Variants in ESR1 observed in about 807,000 individuals in gnomAD.
ESR1 encodes estrogen receptor 1.
A neutral mutation model predicts 52.7 loss-of-function variants in ESR1; 12 were observed. The ratio of observed to expected loss-of-function variants is 0.23; its 90% CI spans 0.15 to 0.37. The LOEUF is 0.37. Ranked by LOEUF, ESR1 falls within the 10% of genes least tolerant of loss-of-function variation. The pLI is 1.00. For synonymous variants in ESR1, 305 were observed against 316.8 expected (o/e 0.96, Z 0.39); for missense variants, 584 against 779.7 (o/e 0.75, Z 2.99).
intron 5 of ESR1, among the ~76,000 whole-genome samples, chr6:152,048,549 C>T (rs1016002808): frequency 6.6e-6 from 1 of 152,022 alleles, no homozygotes; most frequent in African/African-American, 2.4e-5. Context: ...TGTTTAATGT[C>T]TGCTTCCTGA....
chr6:151,991,600 CA>C (rs1247026274), intron 4 of ESR1, among the ~76,000 whole-genome samples: 1 of 152,076 alleles, frequency 6.6e-6, no homozygotes, highest in Non-Finnish European at 1.5e-5. Context: ...GAGAAAATTT[CA>C]CAGAGAAAAC....
rs79347376 is a variant in ESR1, at chr6:151,938,728, A to G, written c.761-5445A>G. Among the ~76,000 whole-genome samples the G allele has an allele frequency of 1.0e-2, 1,522 of 152,252 alleles. 19 individuals are homozygous for G. Among genetic ancestry groups the G allele is most frequent in the African/African-American group, 0.029 (1,208 of 41,550 alleles). On this transcript the variant is annotated intron_variant, in intron 3 of 7. Transcript: ENST00000206249. ...TTAACACCTCCTAGGGTGGATTAGA[A>G]TCATTCAAATCCACATTGATTGTTA...
downstream of ESR1, among the ~76,000 whole-genome samples, chr6:152,106,441 G>A (rs1344859045): frequency 1.3e-5 from 2 of 152,058 alleles, no homozygotes; most frequent in African/African-American, 4.8e-5. Flanking sequence ...TTGTAAAGTG[G>A]GTCTACTAGT....
At chr6:151,719,851 G>A (rs1781333712) in intron 2 of ESR1, among the ~76,000 whole-genome samples, 1 of 152,098 alleles carries the variant, frequency 6.6e-6, no homozygotes, top group Admixed American at 6.6e-5. Flanking sequence ...CCCTACTACT[G>A]AGCTACTGAG....
intron 2 of ESR1, among the ~76,000 whole-genome samples, chr6:151,877,358 A>C (rs966613633): frequency 3.3e-5 from 5 of 152,226 alleles, no homozygotes; most frequent in African/African-American, 4.8e-5. Flanking sequence ...CGTGAGCTGA[A>C]GACTTAGAAA....
intron 6 of ESR1, among the ~76,000 whole-genome samples, chr6:152,119,263 G>A (rs961019356): frequency 7.2e-5 from 11 of 152,100 alleles, no homozygotes; most frequent in Non-Finnish European, 1.2e-4. Flanking sequence ...CTCAGGCCTC[G>A]GCATGTTGAA....
intron 4 of ESR1, among the ~76,000 whole-genome samples, chr6:151,963,642 T>C (rs2037921385): frequency 6.6e-6 from 1 of 152,212 alleles, no homozygotes; most frequent in African/African-American, 2.4e-5. Context: ...TCTTTTCACT[T>C]TGTCAATTGT....
downstream of ESR1, among the ~76,000 whole-genome samples, chr6:152,106,463 T>C (rs762355841): frequency 2.6e-5 from 4 of 152,240 alleles, no homozygotes; most frequent in Non-Finnish European, 4.4e-5. Flanking sequence ...ACGAATTATC[T>C]TGGTCTTTGT....
At chr6:151,877,908 C>T (rs757363260) in intron 2 of ESR1, among the ~76,000 whole-genome samples, 47 of 151,902 alleles carry the variant, frequency 3.1e-4, no homozygotes, top group Admixed American at 5.9e-4. Flanking sequence ...CTCCTGGGCT[C>T]AAGCGATTCT....
chr6:151,880,735 C>A lies in ESR1; in HGVS notation c.724C>A (p.Leu242Ile). The stretch of plus-strand genomic sequence containing the variant: ...GAGGAAGAGCTGCCAGGCCTGCCGG[C>A]TCCGTAAATGCTACGAAGTGGGAAT... Reference protein sequence around the residue: ...NRRKSCQACRLRKCYEVGMMK... With the variant: ...NRRKSCQACRIRKCYEVGMMK... The change falls in exon 3 of 8, where the codon CTC (leucine) becomes ATC (isoleucine). Residue 242 changes from leucine (L) to isoleucine (I), a missense_variant. By Grantham distance (5) the Leu-to-Ile change is conservative (BLOSUM62 2). Around this residue, in one of 6 missense-constraint regions of ESR1, gnomAD observed 25 missense variants for 53.0 expected, o/e 0.47. Coordinates refer to ENST00000206249, the MANE Select transcript of ESR1 (RefSeq NM_000125.4). 1 of 1,610,850 alleles carries A rather than the reference C, an allele frequency of 6.2e-7. No individual in the cohort carries two copies. Among genetic ancestry groups the A allele is most frequent in the Non-Finnish European group, 8.5e-7 (1 of 1,176,974 alleles).
At chr6:152,087,137 T>C (rs1337207524) in intron 6 of ESR1, among the ~76,000 whole-genome samples, 4 of 152,152 alleles carry the variant, frequency 2.6e-5, no homozygotes, top group Admixed American at 6.5e-5. Context: ...AATTGGTTGC[T>C]ATGAAGTATG....
At position 152,046,243 on chromosome 6, in the gene ESR1, G is replaced by A. The variant is rs142367033; in HGVS notation, c.1236-14748G>A. On this transcript the variant is annotated intron_variant, in intron 5 of 7. Coordinates refer to ENST00000206249, the MANE Select transcript of ESR1 (RefSeq NM_000125.4). The stretch of plus-strand genomic sequence containing the variant: ...TTTGCATATGAGGAAATGGAATTCC[G>A]GAAAGGTTAGGTGATTTGTCCAAGG... Among the ~76,000 whole-genome samples the A allele has an allele frequency of 2.6e-3, 391 of 152,230 alleles. 1 individual carries two copies. The highest frequency in any genetic ancestry group is 3.9e-3 in the Non-Finnish European group (262 of 68,012).
At chr6:151,852,281 C>A (rs900064357) in intron 2 of ESR1, among the ~76,000 whole-genome samples, 2 of 152,084 alleles carry the variant, frequency 1.3e-5, no homozygotes, top group Non-Finnish European at 2.9e-5. Flanking sequence ...GAATTAATTT[C>A]CTCAATTAAT....
At chr6:152,104,867 C>A (rs112953067), downstream of ESR1, among the ~76,000 whole-genome samples, 1 of 152,122 alleles carries the variant, frequency 6.6e-6, no homozygotes, top group Non-Finnish European at 1.5e-5. Context: ...TCAGCTCTAC[C>A]CTTTGACCTC....
At chr6:151,795,691 C>G (rs546750778) in intron 2 of ESR1, among the ~76,000 whole-genome samples, 3 of 152,010 alleles carry the variant, frequency 2.0e-5, no homozygotes, top group African/African-American at 7.2e-5. Context: ...AAATTAACAC[C>G]GCACATATTT....
chr6:151,800,348 C>T (rs1161645460), upstream of ESR1, among the ~76,000 whole-genome samples: 1 of 152,050 alleles, frequency 6.6e-6, no homozygotes, highest in Non-Finnish European at 1.5e-5. Context: ...AAACACTAAG[C>T]CCCTGAAGTC....
intron 3 of ESR1, among the ~76,000 whole-genome samples, chr6:151,939,705 G>C (rs2034813930): frequency 6.6e-6 from 1 of 151,976 alleles, no homozygotes; most frequent in Non-Finnish European, 1.5e-5. Context: ...ATGTAGAAGA[G>C]GATCCATTCT....
intron 5 of ESR1, among the ~76,000 whole-genome samples, chr6:152,059,630 A>G (rs2047392299): frequency 6.6e-6 from 1 of 152,182 alleles, no homozygotes. Context: ...TCAACAGTCT[A>G]TTGTACAAGC....
At chr6:151,985,069 A>G (rs2982684) in intron 4 of ESR1, among the ~76,000 whole-genome samples, 6 of 151,932 alleles carry the variant, frequency 3.9e-5, no homozygotes, top group African/African-American at 1.5e-4. Context: ...AATGTCCCCC[A>G]ACATAGAGTA....
Sources: gnomAD v4.1 joint callset for allele counts (sites outside exome capture counted in the v4.1 genomes callset) on GRCh38, gnomAD v4.1.1 for gene constraint, gnomAD v4.1.1 regional missense constraint, MANE v1.5 for transcripts, NCBI Gene and HGNC (gene_info 2026-07-23, HGNC 2026-07-21) for gene names.